CFAP54: variants seen among roughly 807,000 people sequenced by gnomAD.
CFAP54 encodes the protein cilia and flagella associated protein 54.
CFAP54 carries 290 observed loss-of-function variants against 370.4 expected under a neutral mutation model. The observed-to-expected ratio is 0.78, with a 90% CI of 0.71 to 0.86. The LOEUF (loss-of-function observed/expected upper bound fraction) is 0.86, where lower values mean the gene tolerates loss of function less well. Ranked by LOEUF, CFAP54 falls within the 40% of genes least tolerant of loss-of-function variation. The probability of loss-of-function intolerance (pLI) is 0.00; values close to 1 mark genes in which losing one functional copy is unlikely to be tolerated. For synonymous variants in CFAP54, 1,206 were observed against 1,236.5 expected, an observed-to-expected ratio of 0.98 and a Z score of 0.52; for missense variants, 3,399 against 3,528.7, an observed-to-expected ratio of 0.96 and a Z score of 0.93.
At chr12:96,536,894 G>A (rs1955512423) in intron 12 of CFAP54, among the ~76,000 whole-genome samples, 1 of 152,052 alleles carries the variant, frequency 6.6e-6, no homozygotes, top group African/African-American at 2.4e-5. Flanking sequence ...CCAACGTGCT[G>A]GGATTACAGG....
At chr12:96,518,749 G>C (rs914613718) in intron 5 of CFAP54, among the ~76,000 whole-genome samples, 179 bp from the exon 6 acceptor site, 1 of 150,382 alleles carries the variant, frequency 6.6e-6, no homozygotes, top group Non-Finnish European at 1.5e-5. Context: ...GAGATTTTGA[G>C]CTTTTAAATT....
intron 32 of CFAP54, among the ~76,000 whole-genome samples, chr12:96,636,932 T>G (rs1200128697): frequency 2.0e-5 from 3 of 152,226 alleles, no homozygotes; most frequent in Non-Finnish European, 2.9e-5. Context: ...TTTACCCCAG[T>G]GACATACTTC....
At chr12:96,561,742 CACACAT>C (rs1408096718) in intron 17 of CFAP54, among the ~76,000 whole-genome samples, 15 of 88,592 alleles carry the variant, frequency 1.7e-4, no homozygotes, top group Middle Eastern at 5.2e-3. Context: ...CACACACACA[CACACAT>C]GTATATATAT....
intron 26 of CFAP54, among the ~76,000 whole-genome samples, chr12:96,615,291 G>T (rs963722999): frequency 6.6e-6 from 1 of 152,134 alleles, no homozygotes; most frequent in Non-Finnish European, 1.5e-5. Context: ...AATGGTGCTG[G>T]GAAAACTTGC....
At chr12:96,718,596 T>C (rs1206412959) in intron 49 of CFAP54, 74 bp downstream of exon 49, 2 of 857,668 alleles carry the variant, frequency 2.3e-6, no homozygotes. Flanking sequence ...ATGGGCCTGC[T>C]TTCAGAGTTA....
chr12:96,792,254 A>G (rs781365782), intron 62 of CFAP54, 75 bp from the exon 63 acceptor site: 13 of 1,264,484 alleles, frequency 1.0e-5, no homozygotes, highest in Middle Eastern at 2.4e-4. Context: ...TTTTCAATAT[A>G]GCCAAATAAT....
At chr12:96,536,186 T>G (rs919201816) in intron 12 of CFAP54, among the ~76,000 whole-genome samples, 6 of 152,210 alleles carry the variant, frequency 3.9e-5, no homozygotes, top group African/African-American at 1.4e-4. Flanking sequence ...CTCCTACTTA[T>G]AAGTGAGAAT....
chr12:96,554,647 C>G, intron 16 of CFAP54, 29 bp from the exon 17 acceptor site: 1 of 1,501,686 alleles, frequency 6.7e-7, no homozygotes, highest in Non-Finnish European at 8.9e-7. Flanking sequence ...AACTATATTT[C>G]TTTTTATTTC....
chr12:96,647,952 A>G lies in CFAP54; in HGVS notation c.4625A>G (p.Glu1542Gly). Residue 1542 changes from glutamate (E) to glycine (G), a missense_variant, in exon 34 of 68, where the codon GAA (glutamate) becomes GGA (glycine). Coordinates refer to ENST00000524981, the MANE Select transcript of CFAP54 (RefSeq NM_001306084.2). ...TVLPTRKLTV[E>G]NYKAMLDFLL... is the part of the protein sequence containing the mutation. Reference sequence around the variant, plus strand: ...TTACCAACAAGAAAATTGACTGTAGAAAATTATAAAGCAATGCTTGATTTC... The same window carrying G: ...TTACCAACAAGAAAATTGACTGTAGGAAATTATAAAGCAATGCTTGATTTC... 2.0e-6 allele frequency: 3 copies of G among 1,524,956 alleles called. No individual in the cohort carries two copies. Among genetic ancestry groups the G allele is most frequent in the Non-Finnish European group, 2.6e-6 (3 of 1,143,694 alleles). 94.5% of individuals were successfully genotyped at this position (1,524,956 alleles called of 1,614,324 possible).
intron 63 of CFAP54, among the ~76,000 whole-genome samples, chr12:96,793,218 T>C (rs1187412185): frequency 1.3e-5 from 2 of 152,074 alleles, no homozygotes; most frequent in Admixed American, 6.6e-5. Context: ...CCCCAAAATC[T>C]ATTGTATCAT....
At chr12:96,602,236 G>A (rs1459832343) in intron 26 of CFAP54, among the ~76,000 whole-genome samples, 1 of 152,160 alleles carries the variant, frequency 6.6e-6, no homozygotes, top group Admixed American at 6.5e-5. Context: ...TCAGGAGCAG[G>A]TTGTTCAGTT....
At position 96,720,499 on chromosome 12, in the gene CFAP54, A is replaced by G. The variant is rs148002682; in HGVS notation, c.6899A>G (p.Glu2300Gly). ...TCTCAGTGCTCCGCTGGCGAGCTGG[A>G]GATTGTGGTGGAGGCCCGGCTTCAG... ...TLSQCSAGEL[E>G]IVVEARLQLA... is the part of the protein sequence containing the mutation. Residue 2300 changes from glutamate (E) to glycine (G), a missense_variant, in exon 50 of 68, where the codon GAG (glutamate) becomes GGG (glycine). Glu to Gly is a moderately conservative substitution (Grantham distance 98). Transcript: ENST00000524981. 53 of 1,601,290 alleles carry G rather than the reference A, an allele frequency of 3.3e-5. 2 individuals are homozygous for G. The African/African-American group carries it at 4.6e-4, about 14-fold the overall frequency.
chr12:96,777,908 G>A, intron 60 of CFAP54, among the ~76,000 whole-genome samples: 1 of 152,220 alleles, frequency 6.6e-6, no homozygotes, highest in East Asian at 1.9e-4. Context: ...TCTTTGAATA[G>A]TTGGTGCTGA....
rs569284724 is a variant in CFAP54 at position 96,817,544 on chromosome 12, C to A, written c.8958-231C>A. ...CACGCCATTCTCCTGCCTCAGCCTC[C>A]TGAGTAGCTGGCACTACAGGCGCCT... On this transcript the variant is annotated intron_variant, in intron 64 of 67. Transcript: ENST00000524981. Among the ~76,000 whole-genome samples, 17 of 152,132 alleles carry A rather than the reference C, an allele frequency of 1.1e-4. No individual in the cohort carries two copies. The East Asian group carries it at 3.1e-3, about 28-fold the overall frequency.
chr12:96,655,030 C>CT (rs1956906090), intron 36 of CFAP54, among the ~76,000 whole-genome samples: 1 of 139,178 alleles, frequency 7.2e-6, no homozygotes, highest in African/African-American at 2.5e-5. Flanking sequence ...ATGTGAATGG[C>CT]CAAAAAAATT....
intron 66 of CFAP54, among the ~76,000 whole-genome samples, chr12:96,852,829 GACCTGTAC>G (rs2136456004): frequency 6.6e-6 from 1 of 152,164 alleles, no homozygotes; most frequent in South Asian, 2.1e-4. Flanking sequence ...TTGGACCAAA[GACCTGTAC>G]TTCAACAGAG....
In CFAP54 at chr12:96,834,251, G is replaced by A. The variant is rs192977927; in HGVS notation, c.9171+5163G>A. 2.2e-3 allele frequency among the ~76,000 whole-genome samples: 337 copies of A among 152,316 alleles called. 8 individuals carry two copies. Among genetic ancestry groups the A allele is most frequent in the Non-Finnish European group, 2.6e-4 (18 of 68,022 alleles). ...CATGGGAGGGTGTTAGGATATTAGC[G>A]GTCAAGGGAGGCTGTTAGTGTTATG... On this transcript the variant is annotated intron_variant, in intron 66 of 67. Transcript: ENST00000524981.
At chr12:96,624,032 T>G (rs1956527245) in intron 28 of CFAP54, among the ~76,000 whole-genome samples, 151 bp downstream of exon 28, 1 of 152,228 alleles carries the variant, frequency 6.6e-6, no homozygotes, top group Non-Finnish European at 1.5e-5. Flanking sequence ...AACAATACCC[T>G]GTTAATAAGG....
At chr12:96,601,182 G>T (rs1377883176) in intron 26 of CFAP54, among the ~76,000 whole-genome samples, 5 of 152,122 alleles carry the variant, frequency 3.3e-5, no homozygotes, top group Non-Finnish European at 5.9e-5. Flanking sequence ...GTTGAATTTT[G>T]TCAAAGGCCT....
Sources: gnomAD v4.1 joint callset for allele counts (sites outside exome capture counted in the v4.1 genomes callset) on GRCh38, gnomAD v4.1.1 for gene constraint, MANE v1.5 for transcripts, NCBI Gene and HGNC (gene_info 2026-07-23, HGNC 2026-07-21) for gene names.